Variants in NDST3 observed in about 807,000 individuals in gnomAD.
NDST3 encodes bifunctional heparan sulfate N-deacetylase/N-sulfotransferase 3.
NDST3 carries 58 observed loss-of-function variants against 96.1 expected under a neutral mutation model. The observed-to-expected ratio is 0.60, with a 90% CI of 0.49 to 0.75. NDST3 has a LOEUF of 0.75. Among genes scored for constraint, NDST3 ranks in the 30% least tolerant of loss-of-function variants. NDST3 has a pLI of 0.00. For missense variants in NDST3, 788 were observed against 1,034.2 expected (o/e 0.76, Z 3.27); for synonymous variants, 333 against 359.7 (o/e 0.93, Z 0.84).
intron 6 of NDST3, 39 bp from the exon 7 acceptor site, chr4:118,224,452 T>C (rs573558945): frequency 1.3e-6 from 2 of 1,556,142 alleles, no homozygotes; most frequent in African/African-American, 1.4e-5. Context: ...AGTGTCAAAA[T>C]AAATGTTATT....
intron 4 of NDST3, among the ~76,000 whole-genome samples, chr4:118,125,078 A>G (rs1731934566): frequency 6.6e-6 from 1 of 151,986 alleles, no homozygotes; most frequent in Admixed American, 6.6e-5. Flanking sequence ...CCTCTCGCCT[A>G]CCCTAAGATC....
At chr4:118,235,660 T>C (rs548031151) in intron 9 of NDST3, among the ~76,000 whole-genome samples, 2 of 152,274 alleles carry the variant, frequency 1.3e-5, no homozygotes, top group East Asian at 3.9e-4. Context: ...CACTAGACAC[T>C]TGAAATAATC....
At chr4:118,047,068 A>C (rs1324144516) in intron 1 of NDST3, among the ~76,000 whole-genome samples, 3 of 152,248 alleles carry the variant, frequency 2.0e-5, no homozygotes, top group South Asian at 2.1e-4. Context: ...GGAGCCATGC[A>C]GCTAGATAAG....
At chr4:118,121,684 GC>G (rs11322429) in intron 4 of NDST3, among the ~76,000 whole-genome samples, 82,311 of 152,018 alleles carry the variant, frequency 0.54, 25,027 homozygotes, top group East Asian at 0.74. Flanking sequence ...TGATGAGGAA[GC>G]ATAAGAGAAT....
chr4:118,213,374 G>A (rs1560721460), intron 6 of NDST3, among the ~76,000 whole-genome samples: 2 of 152,168 alleles, frequency 1.3e-5, no homozygotes, highest in Non-Finnish European at 2.9e-5. Context: ...TATGCATTCG[G>A]TTGGAACCTG....
intron 6 of NDST3, among the ~76,000 whole-genome samples, chr4:118,189,964 T>C (rs1737198580): frequency 6.6e-6 from 1 of 152,156 alleles, no homozygotes; most frequent in African/African-American, 2.4e-5. Flanking sequence ...CCTAGGTTTA[T>C]GTAATTTTGC....
chr4:118,055,306 T>C (rs1725348058), intron 2 of NDST3: 1 of 220,742 alleles, frequency 4.5e-6, no homozygotes, highest in Non-Finnish European at 9.1e-6. Context: ...ACAGATCTCA[T>C]TGTAGCAAGT....
chr4:118,241,460 G>A (rs902584506), intron 11 of NDST3, among the ~76,000 whole-genome samples: 1 of 151,428 alleles, frequency 6.6e-6, no homozygotes, highest in African/African-American at 2.4e-5. Context: ...TTTAATCCTG[G>A]TCTCCTCTCA....
intron 9 of NDST3, among the ~76,000 whole-genome samples, 180 bp from the exon 10 acceptor site, chr4:118,236,866 T>C (rs963723397): frequency 6.6e-6 from 1 of 152,192 alleles, no homozygotes; most frequent in Non-Finnish European, 1.5e-5. Context: ...AAAAACATCT[T>C]CCAAACACAT....
At chr4:118,105,504 A>G (rs1028901177) in intron 3 of NDST3, among the ~76,000 whole-genome samples, 6 of 152,162 alleles carry the variant, frequency 3.9e-5, no homozygotes, top group Admixed American at 3.9e-4. Context: ...GACTTCTAAT[A>G]TCATGAATTA....
rs1177016028 is a variant in NDST3, at chr4:118,114,819, A to G, written c.1083A>G (p.Glu361=). The change falls in exon 4 of 14, where the codon GAA becomes GAG. Residue 361 remains glutamate, a synonymous_variant. Transcript: ENST00000296499. ...CCCCCCCTAAAGGAACTGAAGAGGA[A>G]GATGAAGGAGATGACTGTCTGTTGG... ...GKFYHTGTEE[E]DEGDDCLLGS... 1.2e-5 allele frequency: 19 copies of G among 1,614,028 alleles called. No individual in the cohort carries two copies. Among genetic ancestry groups the G allele is most frequent in the Non-Finnish European group, 1.6e-5 (19 of 1,179,896 alleles).
chr4:118,149,965 AG>A (rs61274711), intron 6 of NDST3, among the ~76,000 whole-genome samples: 22,307 of 148,588 alleles, frequency 0.15, 1,443 homozygotes, highest in South Asian at 0.21. Flanking sequence ...TTTAGCATGA[AG>A]GGTTGTTGAA....
intron 2 of NDST3, among the ~76,000 whole-genome samples, chr4:118,092,101 T>C (rs796763407): frequency 4.0e-5 from 6 of 151,512 alleles, no homozygotes; most frequent in Admixed American, 1.3e-4. Flanking sequence ...CTAGGGTACA[T>C]GTGTACAATG....
At chr4:118,239,584 A>G (rs768887944) in intron 10 of NDST3, among the ~76,000 whole-genome samples, 8 of 152,214 alleles carry the variant, frequency 5.3e-5, no homozygotes, top group Non-Finnish European at 7.4e-5. Flanking sequence ...CAAGAAAAAG[A>G]AGAAAATTGG....
chr4:118,051,383 C>T (rs1725068031), intron 1 of NDST3, among the ~76,000 whole-genome samples: 1 of 152,044 alleles, frequency 6.6e-6, no homozygotes, highest in African/African-American at 2.4e-5. Context: ...AAAGCAATTG[C>T]AATGAAAACA....
intron 6 of NDST3, among the ~76,000 whole-genome samples, chr4:118,209,733 G>T (rs2125985432): frequency 6.6e-6 from 1 of 152,206 alleles, no homozygotes; most frequent in African/African-American, 2.4e-5. Flanking sequence ...GTCTCTAATT[G>T]AGAGCAATTG....
Position 118,226,964 on chromosome 4 carries a change from A to G in NDST3, c.1801A>G (p.Ile601Val), listed in dbSNP as rs1367409114. The G allele has an allele frequency of 6.2e-7, 1 of 1,612,316 alleles. No individual in the cohort carries two copies. Among genetic ancestry groups the G allele is most frequent in the Admixed American group, 1.7e-5 (1 of 59,912 alleles). The change falls in exon 8 of 14, where the codon ATA (isoleucine) becomes GTA (valine). Residue 601 changes from isoleucine to valine, a missense_variant. Ile to Val is a conservative substitution (Grantham distance 29). Coordinates refer to ENST00000296499, the MANE Select transcript of NDST3 (RefSeq NM_004784.3). ...TCDRLPKFLVIGPQKTGTTAL... is the reference protein window; with the variant it reads ...TCDRLPKFLVVGPQKTGTTAL... ...TGATCGCTTACCAAAATTCTTGGTA[A>G]TAGGACCCCAGAAAACTGGTGAGAA...
In NDST3 at chr4:118,054,271, A is replaced by C. The variant is rs559388797; in HGVS notation, c.361A>C (p.Ile121Leu). 6 of 1,612,370 alleles carry C rather than the reference A, an allele frequency of 3.7e-6. No individual in the cohort carries two copies. The highest frequency in any genetic ancestry group is 5.1e-6 in the Non-Finnish European group (6 of 1,179,208). The change falls in exon 2 of 14, where the codon ATA (isoleucine) becomes CTA (leucine). Residue 121 changes from isoleucine (I) to leucine (L), a missense_variant. Physicochemically the swap from Ile to Leu is conservative, Grantham distance 5. This residue lies in a region of NDST3 where 234 missense variants were observed against 256.9 expected (regional missense o/e 0.91). Coordinates refer to ENST00000296499, the MANE Select transcript of NDST3 (RefSeq NM_004784.3). ...TGGAAAGGGAGATCTCCCAGTGCTTATAGACAAAATGAAAGGCAAATACAT... is the reference window on the plus strand; with the variant it reads ...TGGAAAGGGAGATCTCCCAGTGCTTCTAGACAAAATGAAAGGCAAATACAT... ...APGKGDLPVL[I>L]DKMKGKYILI... is the part of the protein sequence containing the mutation.
intron 2 of NDST3, among the ~76,000 whole-genome samples, chr4:118,077,486 C>T (rs556814247): frequency 4.6e-5 from 7 of 152,286 alleles, no homozygotes; most frequent in African/African-American, 1.2e-4. Context: ...AGAGAGATGA[C>T]ACCCTCACCT....
Sources: gnomAD v4.1 joint callset for allele counts (sites outside exome capture counted in the v4.1 genomes callset) on GRCh38, gnomAD v4.1.1 for gene constraint, gnomAD v4.1.1 regional missense constraint, MANE v1.5 for transcripts, NCBI Gene and HGNC (gene_info 2026-07-23, HGNC 2026-07-21) for gene names.